The following LHFPL3 variants were observed in gnomAD, a reference collection of about 807,000 sequenced individuals.
LHFPL3 encodes LHFPL tetraspan subfamily member 3 protein.
In LHFPL3, 5 loss-of-function variants were observed where a neutral mutation model predicts 19.3. The ratio of observed to expected loss-of-function variants is 0.26; its 90% CI spans 0.14 to 0.54. LHFPL3 has a LOEUF of 0.54. LHFPL3 is among the 20% of genes least tolerant of loss of function. The pLI, the probability that LHFPL3 is intolerant of heterozygous loss-of-function variation, is 0.94. For synonymous variants in LHFPL3, 133 were observed against 126.2 expected, an observed-to-expected ratio of 1.05 and a Z score of -0.36; for missense variants, 249 against 307.4, an observed-to-expected ratio of 0.81 and a Z score of 1.42.
intron 2 of LHFPL3, among the ~76,000 whole-genome samples, chr7:104,852,480 G>T (rs761159640): frequency 3.9e-5 from 6 of 152,242 alleles, no homozygotes; most frequent in South Asian, 2.1e-4. Context: ...TCTTCACAGA[G>T]CTGTCCTGGT....
chr7:104,618,186 T>C (rs1204935280), intron 1 of LHFPL3, among the ~76,000 whole-genome samples: 1 of 152,210 alleles, frequency 6.6e-6, no homozygotes, highest in Non-Finnish European at 1.5e-5. Flanking sequence ...CCCATTACTA[T>C]ACTTTGGAAG....
intron 2 of LHFPL3, among the ~76,000 whole-genome samples, chr7:104,747,823 C>G (rs1284904708): frequency 2.0e-5 from 3 of 152,128 alleles, no homozygotes; most frequent in African/African-American, 7.2e-5. Flanking sequence ...ATAATATTTA[C>G]TTGGGATACT....
chr7:104,618,981 A>C (rs966034131), intron 1 of LHFPL3, among the ~76,000 whole-genome samples: 1 of 152,146 alleles, frequency 6.6e-6, no homozygotes, highest in African/African-American at 2.4e-5. Context: ...TTTATCCCCT[A>C]CGTACTAACT....
Position 104,329,061 on chromosome 7 carries a change from C to T in LHFPL3, c.282C>T (p.Phe94=). Residue 94 remains phenylalanine (F), a synonymous_variant, in exon 1 of 3, where the codon TTC becomes TTT. Coordinates refer to ENST00000424859, the MANE Select transcript of LHFPL3 (RefSeq NM_199000.3). ...FSRELTCRGS[F]TDFSTLPSGA... ...GGGAGCTGACCTGCAGGGGCAGCTT[C>T]ACGGACTTCTCCACGCTGCCCTCGG... The T allele has an allele frequency of 1.9e-6, 3 of 1,614,072 alleles. No homozygotes were observed. The highest frequency in any genetic ancestry group is 1.7e-6 in the Non-Finnish European group (2 of 1,179,910).
At position 104,460,217 on chromosome 7, in the gene LHFPL3, A is replaced by C. The variant is rs145735310; in HGVS notation, c.445+130993A>C. On this transcript the variant is annotated intron_variant, in intron 1 of 2. Transcript: ENST00000424859. Reference sequence around the variant, plus strand: ...ATGACTGCATAGTATTCCACAGTGAATATGTACCACATTTTCTTTATCCAT... The same window carrying C: ...ATGACTGCATAGTATTCCACAGTGACTATGTACCACATTTTCTTTATCCAT... Among the ~76,000 whole-genome samples the C allele has an allele frequency of 1.9e-3, 283 of 152,328 alleles. 1 individual carries two copies. The highest frequency in any genetic ancestry group is 6.3e-3 in the African/African-American group (263 of 41,572).
intron 2 of LHFPL3, among the ~76,000 whole-genome samples, chr7:104,849,735 CCT>C (rs1791379949): frequency 1.3e-5 from 2 of 152,200 alleles, no homozygotes. Context: ...CCCAGCAGGG[CCT>C]CTCTGTCTAG....
chr7:104,671,423 A>C (rs1041841858), intron 1 of LHFPL3, among the ~76,000 whole-genome samples: 1 of 152,004 alleles, frequency 6.6e-6, no homozygotes, highest in African/African-American at 2.4e-5. Context: ...CCCGCTCCTG[A>C]ATACATGTAA....
At chr7:104,595,287 A>G (rs1337366450) in intron 1 of LHFPL3, among the ~76,000 whole-genome samples, 1 of 152,098 alleles carries the variant, frequency 6.6e-6, no homozygotes, top group Non-Finnish European at 1.5e-5. Flanking sequence ...TTTCCTTGTA[A>G]CAATCAGGTC....
intron 1 of LHFPL3, among the ~76,000 whole-genome samples, chr7:104,563,352 C>A (rs1344743463): frequency 6.6e-6 from 1 of 152,312 alleles, no homozygotes; most frequent in Non-Finnish European, 1.5e-5. Context: ...GGCGTAGGAC[C>A]CTCCGAGCCA....
intron 1 of LHFPL3, among the ~76,000 whole-genome samples, chr7:104,477,238 G>A (rs112228548): frequency 0.011 from 1,697 of 152,200 alleles, 26 homozygotes; most frequent in African/African-American, 0.036. Context: ...GGATCCTTCT[G>A]CCTCAACCTC....
intron 1 of LHFPL3, among the ~76,000 whole-genome samples, chr7:104,694,730 C>T (rs939993267): frequency 5.3e-5 from 8 of 152,040 alleles, no homozygotes; most frequent in African/African-American, 1.7e-4. Flanking sequence ...AAAGAATTTA[C>T]CAAGAAAGTT....
chr7:104,339,065 T>C (rs1789895247), intron 1 of LHFPL3, among the ~76,000 whole-genome samples: 1 of 152,188 alleles, frequency 6.6e-6, no homozygotes, highest in East Asian at 1.9e-4. Context: ...CTGACCAACA[T>C]GGTGAAACCC....
chr7:104,523,261 A>C (rs149950770), intron 1 of LHFPL3, among the ~76,000 whole-genome samples: 2 of 152,086 alleles, frequency 1.3e-5, no homozygotes, highest in African/African-American at 4.8e-5. Flanking sequence ...AAATAAATAA[A>C]TTATTTCTAA....
chr7:104,682,884 C>T (rs1792734344), intron 1 of LHFPL3, among the ~76,000 whole-genome samples: 1 of 152,170 alleles, frequency 6.6e-6, no homozygotes, highest in African/African-American at 2.4e-5. Flanking sequence ...TACATGCTTG[C>T]TGTAGACAAG....
intron 2 of LHFPL3, among the ~76,000 whole-genome samples, chr7:104,816,632 G>A (rs1003276852): frequency 6.6e-6 from 1 of 152,176 alleles, no homozygotes; most frequent in Non-Finnish European, 1.5e-5. Flanking sequence ...TGAAATTTCT[G>A]CAGTGGTTTG....
At chr7:104,666,035 T>A (rs533173550) in intron 1 of LHFPL3, among the ~76,000 whole-genome samples, 10 of 152,340 alleles carry the variant, frequency 6.6e-5, no homozygotes, top group East Asian at 1.9e-4. Context: ...AATGATTTTT[T>A]AAATATTTAT....
intron 2 of LHFPL3, among the ~76,000 whole-genome samples, chr7:104,851,346 G>A (rs1027798021): frequency 6.6e-5 from 10 of 152,168 alleles, no homozygotes; most frequent in African/African-American, 2.4e-4. Flanking sequence ...CTGGTTGGCT[G>A]GGCTCAACCA....
chr7:104,744,440 C>T (rs1342969428), intron 2 of LHFPL3, among the ~76,000 whole-genome samples: 2 of 152,126 alleles, frequency 1.3e-5, no homozygotes, highest in African/African-American at 2.4e-5. Flanking sequence ...TTAACAAAGT[C>T]CTTGTGGTCA....
At chr7:104,659,917 GA>G (rs1792192631) in intron 1 of LHFPL3, among the ~76,000 whole-genome samples, 1 of 152,102 alleles carries the variant, frequency 6.6e-6, no homozygotes, top group Admixed American at 6.5e-5. Context: ...GGCCCCTGGA[GA>G]AAGGCCTCAT....
Sources: allele counts gnomAD v4.1 joint callset (sites outside exome capture counted in the v4.1 genomes callset), GRCh38; gene constraint gnomAD v4.1.1; transcripts MANE v1.5; gene names NCBI Gene and HGNC (gene_info 2026-07-23, HGNC 2026-07-21).